The following KLHL32 variants were observed in gnomAD, a reference collection of about 807,000 sequenced individuals.
The protein encoded by KLHL32 is kelch-like protein 32.
KLHL32 carries 35 observed loss-of-function variants against 64.8 expected under a neutral mutation model. The ratio of observed to expected loss-of-function variants is 0.54; its 90% CI spans 0.41 to 0.72. The LOEUF (loss-of-function observed/expected upper bound fraction) is 0.72. Ranked by LOEUF, KLHL32 falls within the 30% of genes least tolerant of loss-of-function variation. KLHL32 has a pLI of 0.00. For missense variants in KLHL32, 589 were observed against 768.5 expected, an observed-to-expected ratio of 0.77 and a Z score of 2.76; for synonymous variants, 259 against 281.0, an observed-to-expected ratio of 0.92 and a Z score of 0.78.
chr6:97,104,732 T>C (rs1796175220), intron 6 of KLHL32, among the ~76,000 whole-genome samples: 1 of 152,232 alleles, frequency 6.6e-6, no homozygotes, highest in Admixed American at 6.5e-5. Context: ...GTTTTAATTA[T>C]AGCACTCAGG....
At chr6:97,053,083 T>TACACAC (rs146503529) in intron 4 of KLHL32, among the ~76,000 whole-genome samples, 2 of 149,490 alleles carry the variant, frequency 1.3e-5, no homozygotes, top group African/African-American at 4.9e-5. Flanking sequence ...TGAGGATGGA[T>TACACAC]ACACACACAC....
intron 1 of KLHL32, among the ~76,000 whole-genome samples, chr6:96,936,761 A>G (rs924303804): frequency 1.3e-5 from 2 of 152,128 alleles, no homozygotes; most frequent in Non-Finnish European, 2.9e-5. Context: ...CTTCCATCCC[A>G]AGAACCAGAC....
At chr6:96,963,267 G>T (rs1459020899) in intron 1 of KLHL32, among the ~76,000 whole-genome samples, 1 of 152,098 alleles carries the variant, frequency 6.6e-6, no homozygotes, top group African/African-American at 2.4e-5. Context: ...CTTCTGGATG[G>T]GAAAGACAAG....
At chr6:96,919,145 T>C in the KLHL32 span, among the ~76,000 whole-genome samples, 1 of 152,312 alleles carries the variant, frequency 6.6e-6, no homozygotes, top group East Asian at 1.9e-4. Flanking sequence ...GGTTCCTGGC[T>C]TTACAAAAAG....
Position 97,114,030 on chromosome 6 carries a change from A to G in KLHL32, c.875A>G (p.Tyr292Cys), listed in dbSNP as rs779494864. 6.2e-7 allele frequency: 1 copy of G among 1,614,202 alleles called. No individual in the cohort carries two copies. The highest frequency in any genetic ancestry group is 8.5e-7 in the Non-Finnish European group (1 of 1,180,040). ...TKPRFQSDTL[Y>C]IIGGKKREVC... is the part of the protein sequence containing the mutation. ...CCACGATTCCAGTCAGACACTCTGT[A>G]TATCATTGGTGGGAAAAAGCGCGAG... is the stretch of plus-strand genomic sequence containing the variant. The change falls in exon 7 of 11, where the codon TAT becomes TGT. Residue 292 changes from tyrosine to cysteine, a missense_variant. Coordinates refer to ENST00000369261, the MANE Select transcript of KLHL32 (RefSeq NM_052904.4).
intron 7 of KLHL32, among the ~76,000 whole-genome samples, chr6:97,124,232 G>T (rs556767521): frequency 6.6e-6 from 1 of 152,288 alleles, no homozygotes; most frequent in African/African-American, 2.4e-5. Context: ...TGCAGCACTA[G>T]GTTTGTTAGG....
At chr6:96,951,494 G>C (rs894065177) in intron 1 of KLHL32, among the ~76,000 whole-genome samples, 4 of 152,026 alleles carry the variant, frequency 2.6e-5, no homozygotes, top group African/African-American at 9.7e-5. Flanking sequence ...TGGACAGTGC[G>C]CCACCCCACA....
chr6:96,986,085 C>T (rs1405294212), intron 3 of KLHL32, among the ~76,000 whole-genome samples: 2 of 152,166 alleles, frequency 1.3e-5, no homozygotes. Context: ...AGTTTTCCTT[C>T]TAACAGTCAG....
At chr6:97,112,725 G>A (rs551534711) in intron 6 of KLHL32, among the ~76,000 whole-genome samples, 11 of 151,408 alleles carry the variant, frequency 7.3e-5, no homozygotes, top group Admixed American at 1.3e-4. Context: ...GATTACAGGC[G>A]TGAGCCACCA....
intron 1 of KLHL32, among the ~76,000 whole-genome samples, chr6:96,942,495 T>C (rs555991281): frequency 6.6e-6 from 1 of 152,340 alleles, no homozygotes; most frequent in East Asian, 1.9e-4. Context: ...CCTTTTGTTG[T>C]TCTCTGGTTA....
chr6:97,064,769 T>A, intron 5 of KLHL32, 43 bp downstream of exon 5: 1 of 1,483,956 alleles, frequency 6.7e-7, no homozygotes, highest in Non-Finnish European at 9.4e-7. Context: ...TCACATTCCT[T>A]TCCCCACAGT....
chr6:97,067,623 G>T (rs1790009082), intron 5 of KLHL32, among the ~76,000 whole-genome samples: 1 of 152,066 alleles, frequency 6.6e-6, no homozygotes, highest in African/African-American at 2.4e-5. Context: ...TGTTTTGCAG[G>T]GACTCCCATT....
chr6:96,985,625 T>G (rs1466877543), intron 3 of KLHL32, among the ~76,000 whole-genome samples: 1 of 152,254 alleles, frequency 6.6e-6, no homozygotes, highest in Non-Finnish European at 1.5e-5. Context: ...ATTCATTTCA[T>G]CTTCCATCAC....
chr6:96,950,119 A>G (rs1455406292), intron 1 of KLHL32, among the ~76,000 whole-genome samples: 4 of 152,128 alleles, frequency 2.6e-5, no homozygotes, highest in East Asian at 1.9e-4. Context: ...TTGAGTTTTG[A>G]TATCTCAAAG....
upstream of KLHL32, chr6:96,924,492 G>T: frequency 1.3e-5 from 2 of 149,360 alleles, no homozygotes; most frequent in South Asian, 3.6e-4. Flanking sequence ...GGGGGCGGCA[G>T]GGGAGCGAGC....
chr6:97,070,916 C>T (rs941384740), intron 5 of KLHL32, among the ~76,000 whole-genome samples: 5 of 152,016 alleles, frequency 3.3e-5, no homozygotes, highest in African/African-American at 1.2e-4. Context: ...TTTATTCTCC[C>T]ACCCACCCAT....
rs2128067907 is a variant in KLHL32, at chr6:96,993,694, T to G, written c.204+17517T>G. ...GCTAACTAGTCAGGCTACCACACTGTTATAGATGCTGGTAGAAGACATAAG... is the reference window on the plus strand; with the variant it reads ...GCTAACTAGTCAGGCTACCACACTGGTATAGATGCTGGTAGAAGACATAAG... On this transcript the variant is annotated intron_variant, in intron 3 of 10. Coordinates refer to ENST00000369261, the MANE Select transcript of KLHL32 (RefSeq NM_052904.4). Among the ~76,000 whole-genome samples, 2 of 152,288 alleles carry G rather than the reference T, an allele frequency of 1.3e-5. 1 individual carries two copies. Among genetic ancestry groups the G allele is most frequent in the Middle Eastern group, 6.8e-3 (2 of 294 alleles).
At chr6:96,910,015 T>A in the KLHL32 span, among the ~76,000 whole-genome samples, 1 of 152,140 alleles carries the variant, frequency 6.6e-6, no homozygotes, top group African/African-American at 2.4e-5. Flanking sequence ...AGAGACAAGG[T>A]TCACACAGCC....
intron 1 of KLHL32, among the ~76,000 whole-genome samples, chr6:96,962,402 A>G (rs947933596): frequency 1.3e-5 from 2 of 152,188 alleles, no homozygotes; most frequent in African/African-American, 4.8e-5. Context: ...GTATTTTAAG[A>G]AATTTTTGCT....
Sources: gnomAD v4.1 joint callset for allele counts (sites outside exome capture counted in the v4.1 genomes callset) on GRCh38, gnomAD v4.1.1 for gene constraint, MANE v1.5 for transcripts, NCBI Gene and HGNC (gene_info 2026-07-23, HGNC 2026-07-21) for gene names.